Variants in CREBRF observed in about 807,000 individuals in gnomAD.
CREBRF encodes the protein UPF0474 protein C5orf41.
In CREBRF, 5 loss-of-function variants were observed where a neutral mutation model predicts 66.1. The ratio of observed to expected loss-of-function variants is 0.08; its 90% CI spans 0.04 to 0.16. CREBRF has a LOEUF of 0.16. Among genes scored for constraint, CREBRF ranks in the 10% least tolerant of loss-of-function variants. The probability of loss-of-function intolerance (pLI) is 1.00; values close to 1 mark genes in which losing one functional copy is unlikely to be tolerated. For synonymous variants in CREBRF, 229 were observed against 264.4 expected (o/e 0.87, Z 1.30); for missense variants, 531 against 744.9 (o/e 0.71, Z 3.34).
At chr5:173,078,021 G>A (rs192187261) in intron 1 of CREBRF, among the ~76,000 whole-genome samples, 1 of 152,298 alleles carries the variant, frequency 6.6e-6, no homozygotes, top group East Asian at 1.9e-4. Flanking sequence ...ATGCTGCCAT[G>A]AACATAAGTG....
chr5:173,112,251 A>G (rs893542422), intron 6 of CREBRF, 55 bp from the exon 7 acceptor site: 9 of 1,287,532 alleles, frequency 7.0e-6, no homozygotes, highest in Middle Eastern at 2.7e-4. Context: ...AATTAAAAAT[A>G]ATAAAATTAA....
In CREBRF at chr5:173,115,672, C is replaced by G. The variant is rs549067013; in HGVS notation, c.1681+3293C>G. Among the ~76,000 whole-genome samples, 7 of 151,902 alleles carry G rather than the reference C, an allele frequency of 4.6e-5. No homozygotes were observed. The South Asian group carries it at 1.0e-3, about 23-fold the overall frequency. On this transcript the variant is annotated intron_variant, in intron 7 of 8. Coordinates refer to ENST00000296953, the MANE Select transcript of CREBRF (RefSeq NM_153607.3). ...TTTTTTTTTGAGACGGAGTCTCGCT[C>G]TGTCGCCCAAGCTGGAGTGCAGTGG...
Position 173,137,161 on chromosome 5 carries a change from A to G in CREBRF, c.*3416A>G, listed in dbSNP as rs1759604716. ...ATGTATGATTCTTGTCCTTTCCTATATCCTTCATGACAGATTATGATGTGG... is the reference window on the plus strand; with the variant it reads ...ATGTATGATTCTTGTCCTTTCCTATGTCCTTCATGACAGATTATGATGTGG... On this transcript the variant is annotated 3_prime_UTR_variant, in exon 9 of 9. Coordinates refer to ENST00000296953, the MANE Select transcript of CREBRF (RefSeq NM_153607.3). The G allele has an allele frequency of 6.6e-6, 1 of 151,980 alleles. No individual in the cohort carries two copies. The highest frequency in any genetic ancestry group is 1.5e-5 in the Non-Finnish European group (1 of 67,896). 9.4% of individuals were successfully genotyped at this position (151,980 alleles called of 1,614,324 possible).
At chr5:173,115,742 C>T (rs998791705) in intron 7 of CREBRF, among the ~76,000 whole-genome samples, 1 of 152,064 alleles carries the variant, frequency 6.6e-6, no homozygotes, top group Non-Finnish European at 1.5e-5. Context: ...GTAGCTGGGA[C>T]TACAGGCACC....
At chr5:173,130,874 T>A (rs1444785465) in intron 8 of CREBRF, among the ~76,000 whole-genome samples, 1 of 152,044 alleles carries the variant, frequency 6.6e-6, no homozygotes, top group Non-Finnish European at 1.5e-5. Context: ...CTGGCTAATG[T>A]TTTTGCATTT....
chr5:173,117,974 C>T (rs572411587), intron 7 of CREBRF, among the ~76,000 whole-genome samples: 69 of 151,626 alleles, frequency 4.6e-4, no homozygotes, highest in Non-Finnish European at 8.1e-4. Context: ...CCTGGGTTCA[C>T]GCCATTATCC....
At chr5:173,057,055 C>G (rs922469542) in intron 1 of CREBRF, among the ~76,000 whole-genome samples, 1 of 147,276 alleles carries the variant, frequency 6.8e-6, no homozygotes, top group Non-Finnish European at 1.5e-5. Flanking sequence ...AGCCGCTCCC[C>G]CTTCTGTCCC....
intron 4 of CREBRF, among the ~76,000 whole-genome samples, chr5:173,097,218 A>AAG (rs1468478864): frequency 6.6e-6 from 1 of 152,110 alleles, no homozygotes; most frequent in East Asian, 1.9e-4. Flanking sequence ...TTTACTAGTG[A>AAG]AGTCAGCAGG....
chr5:173,123,043 T>A lies in CREBRF; in HGVS notation c.1682-37T>A, dbSNP rs755884174. ...TAATTAAAAGGAAAGTCTTTCATGGTAGTGACATATTCCAAGTGTTTTGTT... is the reference window on the plus strand; with the variant it reads ...TAATTAAAAGGAAAGTCTTTCATGGAAGTGACATATTCCAAGTGTTTTGTT... On this transcript the variant is annotated intron_variant, in intron 7 of 8. Transcript: ENST00000296953. 1.9e-6 allele frequency: 3 copies of A among 1,549,612 alleles called. No individual in the cohort carries two copies. In the East Asian group the frequency reaches 6.9e-5, roughly 36 times the overall value.
intron 1 of CREBRF, among the ~76,000 whole-genome samples, chr5:173,065,084 T>A (rs1003400320): frequency 2.6e-5 from 4 of 152,158 alleles, no homozygotes; most frequent in African/African-American, 9.7e-5. Flanking sequence ...GCCCATAGAC[T>A]AGGAGAGGAG....
At chr5:173,112,728 T>G (rs1758899783) in intron 7 of CREBRF, among the ~76,000 whole-genome samples, 1 of 152,220 alleles carries the variant, frequency 6.6e-6, no homozygotes, top group South Asian at 2.1e-4. Flanking sequence ...TCTCGAAAGA[T>G]CACAATAATT....
chr5:173,058,578 G>A (rs1017762586), intron 1 of CREBRF, among the ~76,000 whole-genome samples: 6 of 151,740 alleles, frequency 4.0e-5, no homozygotes, highest in Non-Finnish European at 5.9e-5. Flanking sequence ...CCGCCTCCCG[G>A]GTTCACGCCA....
chr5:173,121,637 TTC>T (rs1446443800), intron 7 of CREBRF, among the ~76,000 whole-genome samples: 1 of 152,036 alleles, frequency 6.6e-6, no homozygotes, highest in Admixed American at 6.6e-5. Context: ...TTGCTTTTTG[TTC>T]TGTTTTGTTT....
intron 4 of CREBRF, among the ~76,000 whole-genome samples, chr5:173,100,560 AT>A (rs1758605193): frequency 1.3e-5 from 2 of 151,824 alleles, no homozygotes; most frequent in Non-Finnish European, 2.9e-5. Flanking sequence ...AGTAGCTGAG[AT>A]TACAGGTGAC....
At chr5:173,082,866 G>A (rs1173439922) in intron 2 of CREBRF, among the ~76,000 whole-genome samples, 2 of 118,170 alleles carry the variant, frequency 1.7e-5, no homozygotes, top group Non-Finnish European at 3.2e-5. Context: ...CCAAGATCAC[G>A]CCACTGCACT....
intron 7 of CREBRF, among the ~76,000 whole-genome samples, chr5:173,114,964 CAG>C (rs1159924144): frequency 1.3e-5 from 2 of 152,196 alleles, no homozygotes; most frequent in Admixed American, 6.5e-5. Flanking sequence ...TTTTCTAAAC[CAG>C]AGGTTTGCGG....
rs62385899 is a variant in CREBRF at position 173,099,369 on chromosome 5, T to C, written c.1222+7968T>C. 3.5e-3 allele frequency among the ~76,000 whole-genome samples: 538 copies of C among 152,272 alleles called. 3 individuals are homozygous for C. The highest frequency in any genetic ancestry group is 5.9e-3 in the Non-Finnish European group (398 of 68,016). On this transcript the variant is annotated intron_variant, in intron 4 of 8. Coordinates refer to ENST00000296953, the MANE Select transcript of CREBRF (RefSeq NM_153607.3). ...TGAGGTCTCCCTATGTTGCCTAGGC[T>C]GGTCTTGAACTTCTGGGCTCAAGTG...
In CREBRF at chr5:173,090,422, G is replaced by A. The variant is rs756912524; in HGVS notation, c.243G>A (p.Glu81=). 6.2e-7 allele frequency: 1 copy of A among 1,613,928 alleles called. No individual in the cohort carries two copies. The highest frequency in any genetic ancestry group is 8.5e-7 in the Non-Finnish European group (1 of 1,179,942). ...LESFTDVLDN[E]GALTSNWEQW... ...CTTTCACAGATGTCCTGGATAATGA[G>A]GGTGCTTTAACCTCAAACTGGGAAC... Residue 81 remains glutamate, a synonymous_variant, in exon 4 of 9, where the codon GAG becomes GAA. Transcript: ENST00000296953. The surrounding 1 kb of genome is among the most constrained non-coding windows in gnomAD (Gnocchi z 4.5).
At chr5:173,107,041 C>T (rs1012948599) in intron 4 of CREBRF, among the ~76,000 whole-genome samples, 1 of 152,198 alleles carries the variant, frequency 6.6e-6, no homozygotes, top group Non-Finnish European at 1.5e-5. Flanking sequence ...TGAGCCACCG[C>T]ACCCGGCCCC....
Sources: allele counts gnomAD v4.1 joint callset (sites outside exome capture counted in the v4.1 genomes callset), GRCh38; gene constraint gnomAD v4.1.1; non-coding constraint Gnocchi (gnomAD v3.1); transcripts MANE v1.5; gene names NCBI Gene and HGNC (gene_info 2026-07-23, HGNC 2026-07-21).